PARD3B: variants seen among roughly 807,000 people sequenced by gnomAD.
The protein encoded by PARD3B is partitioning defective 3 homolog B.
A neutral mutation model predicts 130.2 loss-of-function variants in PARD3B; 103 were observed. The observed-to-expected ratio is 0.79, with a 90% CI of 0.67 to 0.93. The LOEUF (loss-of-function observed/expected upper bound fraction) is 0.93. Ranked by LOEUF, PARD3B falls within the 40% of genes least tolerant of loss-of-function variation. PARD3B has a pLI of 0.00. For missense variants in PARD3B, 1,609 were observed against 1,499.2 expected, an observed-to-expected ratio of 1.07 and a Z score of -1.21; for synonymous variants, 583 against 553.2, an observed-to-expected ratio of 1.05 and a Z score of -0.76.
At chr2:204,765,814 G>A (rs931408346) in intron 2 of PARD3B, among the ~76,000 whole-genome samples, 2 of 152,168 alleles carry the variant, frequency 1.3e-5, no homozygotes, top group African/African-American at 4.8e-5. Flanking sequence ...GAAGATGCCT[G>A]ACAAGGACAG....
At chr2:204,715,243 A>G (rs142206100) in intron 2 of PARD3B, among the ~76,000 whole-genome samples, 1 of 152,260 alleles carries the variant, frequency 6.6e-6, no homozygotes, top group Admixed American at 6.5e-5. Flanking sequence ...TTAATATGGG[A>G]TCCCTGTGCC....
At chr2:204,551,264 T>C (rs1301624336) in intron 1 of PARD3B, among the ~76,000 whole-genome samples, 1 of 152,198 alleles carries the variant, frequency 6.6e-6, no homozygotes, top group Non-Finnish European at 1.5e-5. Flanking sequence ...ATTCCTATCT[T>C]CTTTGGGGGA....
chr2:205,392,920 T>G (rs1391434197), intron 18 of PARD3B, among the ~76,000 whole-genome samples: 1 of 152,196 alleles, frequency 6.6e-6, no homozygotes, highest in Non-Finnish European at 1.5e-5. Context: ...CTATCAATAA[T>G]ATTAACATAA....
At chr2:204,644,219 T>C (rs866697872) in intron 1 of PARD3B, among the ~76,000 whole-genome samples, 1 of 152,144 alleles carries the variant, frequency 6.6e-6, no homozygotes, top group Non-Finnish European at 1.5e-5. Context: ...TGCTTCCTGT[T>C]ATGTTTTCAT....
chr2:205,199,756 A>G (rs2036889074), intron 15 of PARD3B, among the ~76,000 whole-genome samples: 2 of 152,146 alleles, frequency 1.3e-5, no homozygotes, highest in Non-Finnish European at 2.9e-5. Flanking sequence ...CCAAAAAAGC[A>G]TGGCTGCCAG....
chr2:204,777,825 C>G (rs923977263), intron 2 of PARD3B, among the ~76,000 whole-genome samples: 1 of 152,130 alleles, frequency 6.6e-6, no homozygotes, highest in Admixed American at 6.6e-5. Context: ...CCTCATATGT[C>G]GAGGGAGGGA....
chr2:204,750,259 A>G (rs1244958836), intron 2 of PARD3B, among the ~76,000 whole-genome samples: 1 of 152,176 alleles, frequency 6.6e-6, no homozygotes, highest in Non-Finnish European at 1.5e-5. Context: ...TCTGCTTCTG[A>G]AGAAATTGTT....
At chr2:204,940,593 G>A (rs139683781) in intron 2 of PARD3B, among the ~76,000 whole-genome samples, 45 of 152,008 alleles carry the variant, frequency 3.0e-4, no homozygotes, top group Admixed American at 8.5e-4. Context: ...TCTAAGATAT[G>A]CAGGGAAATT....
intron 2 of PARD3B, among the ~76,000 whole-genome samples, chr2:204,937,093 G>A (rs949329035): frequency 6.6e-6 from 1 of 152,162 alleles, no homozygotes. Flanking sequence ...GAGCTCTTTG[G>A]GGGGTCCCAA....
chr2:204,985,462 G>A (rs1343177015), intron 3 of PARD3B, among the ~76,000 whole-genome samples: 1 of 152,144 alleles, frequency 6.6e-6, no homozygotes, highest in Non-Finnish European at 1.5e-5. Flanking sequence ...TAAGCTCCAG[G>A]AAACATACAG....
intron 2 of PARD3B, among the ~76,000 whole-genome samples, chr2:204,895,894 T>C (rs988230866): frequency 6.6e-6 from 1 of 152,206 alleles, no homozygotes; most frequent in Non-Finnish European, 1.5e-5. Flanking sequence ...CAGTATTGAC[T>C]CTTATTTTTT....
intron 2 of PARD3B, among the ~76,000 whole-genome samples, chr2:204,729,657 A>G (rs756161436): frequency 2.0e-5 from 3 of 152,172 alleles, no homozygotes; most frequent in Admixed American, 6.5e-5. Context: ...TGAAAGGTGC[A>G]TTGTTCCATC....
chr2:204,682,809 C>T (rs1161051936), intron 1 of PARD3B, among the ~76,000 whole-genome samples: 1 of 152,176 alleles, frequency 6.6e-6, no homozygotes, highest in African/African-American at 2.4e-5. Flanking sequence ...GTAGTCACAG[C>T]ATTATAGTAT....
intron 15 of PARD3B, among the ~76,000 whole-genome samples, chr2:205,194,709 T>C (rs2036574620): frequency 6.6e-6 from 1 of 152,090 alleles, no homozygotes; most frequent in Admixed American, 6.6e-5. Flanking sequence ...AGAAAAAATA[T>C]TATGAAACCT....
chr2:204,914,522 G>A (rs1327466688), intron 2 of PARD3B, among the ~76,000 whole-genome samples: 1 of 152,196 alleles, frequency 6.6e-6, no homozygotes. Context: ...ATTGGGATGT[G>A]TGACTGGAAG....
chr2:205,363,603 G>A (rs1574811707), intron 18 of PARD3B, among the ~76,000 whole-genome samples: 1 of 152,230 alleles, frequency 6.6e-6, no homozygotes, highest in East Asian at 1.9e-4. Context: ...AAAACACACA[G>A]AGAAAAACCG....
intron 3 of PARD3B, among the ~76,000 whole-genome samples, chr2:204,998,073 T>G (rs1694386526): frequency 6.7e-6 from 1 of 149,364 alleles, no homozygotes; most frequent in South Asian, 2.1e-4. Context: ...ACCAATTCTG[T>G]TCAGTACTGG....
At chr2:204,807,687 C>T (rs1278622131) in intron 2 of PARD3B, among the ~76,000 whole-genome samples, 1 of 152,062 alleles carries the variant, frequency 6.6e-6, no homozygotes, top group Admixed American at 6.6e-5. Context: ...TCATTTGCAA[C>T]ATGGATAGAA....
intron 2 of PARD3B, among the ~76,000 whole-genome samples, chr2:204,818,070 CT>C (rs2043208654): frequency 6.6e-6 from 1 of 152,102 alleles, no homozygotes. Context: ...CTGGTATATC[CT>C]AATGACATAC....
Sources: gnomAD v4.1 joint callset for allele counts (sites outside exome capture counted in the v4.1 genomes callset) on GRCh38, gnomAD v4.1.1 for gene constraint, MANE v1.5 for transcripts, NCBI Gene and HGNC (gene_info 2026-07-23, HGNC 2026-07-21) for gene names.